ZBTB20: variants seen among roughly 807,000 people sequenced by gnomAD.
ZBTB20 encodes the protein zinc finger and BTB domain containing 20, also known as zinc finger and BTB domain-containing protein 20.
In ZBTB20, 9 loss-of-function variants were observed where a neutral mutation model predicts 56.9. The ratio of observed to expected loss-of-function variants is 0.16; its 90% confidence interval spans 0.10 to 0.28. The LOEUF (loss-of-function observed/expected upper bound fraction) is 0.28, where lower values mean the gene tolerates loss of function less well. Among genes scored for constraint, ZBTB20 ranks in the 10% least tolerant of loss-of-function variants. ZBTB20 has a pLI of 1.00. For synonymous variants in ZBTB20, 417 were observed against 420.7 expected, an observed-to-expected ratio of 0.99 and a Z score of 0.11; for missense variants, 655 against 1,003.0, an observed-to-expected ratio of 0.65 and a Z score of 4.69.
chr3:114,797,614 T>C (rs1399681922), intron 5 of ZBTB20, among the ~76,000 whole-genome samples: 1 of 151,990 alleles, frequency 6.6e-6, no homozygotes, highest in Non-Finnish European at 1.5e-5. Flanking sequence ...TGTATCTTGG[T>C]AAAATATTTT....
chr3:114,526,271 A>G (rs1577298746), intron 6 of ZBTB20, among the ~76,000 whole-genome samples: 3 of 152,288 alleles, frequency 2.0e-5, no homozygotes, highest in Admixed American at 6.5e-5. Flanking sequence ...TATAATATTT[A>G]TGAATAAATG....
At chr3:114,671,064 A>C (rs2061335056) in intron 6 of ZBTB20, among the ~76,000 whole-genome samples, 1 of 152,126 alleles carries the variant, frequency 6.6e-6, no homozygotes, top group African/African-American at 2.4e-5. Context: ...AGCCTGAATA[A>C]ATGGAGAGGA....
rs2081604913 is a variant in ZBTB20, at chr3:114,359,689, A to G, written c.200-7811T>C. Among the ~76,000 whole-genome samples, 4 of 152,222 alleles carry G rather than the reference A, an allele frequency of 2.6e-5. No individual in the cohort carries two copies. The South Asian group carries it at 8.3e-4, about 32-fold the overall frequency. ...GAGATGCTACATCCGTGGGTGGTAT[A>G]CAAAAATGAACCAAAGGATCTACTT... On this transcript the variant is annotated intron_variant, in intron 10 of 11. Coordinates refer to ENST00000675478, the MANE Select transcript of ZBTB20 (RefSeq NM_001348800.3).
intron 7 of ZBTB20, among the ~76,000 whole-genome samples, chr3:114,420,597 T>C (rs979276280): frequency 3.0e-4 from 45 of 152,092 alleles, no homozygotes; most frequent in Non-Finnish European, 5.0e-4. Flanking sequence ...AAGAATACTA[T>C]CCAGTCTTTC....
At chr3:114,702,095 T>C (rs1391290047) in intron 5 of ZBTB20, among the ~76,000 whole-genome samples, 1 of 152,128 alleles carries the variant, frequency 6.6e-6, no homozygotes, top group Non-Finnish European at 1.5e-5. Context: ...GGAGTCGCTT[T>C]GGGAGGCTGA....
chr3:115,067,884 A>C (rs1692286324), intron 2 of ZBTB20, among the ~76,000 whole-genome samples: 1 of 152,108 alleles, frequency 6.6e-6, no homozygotes, highest in African/African-American at 2.4e-5. Context: ...CCATCACCTC[A>C]AGTTTAGCAA....
chr3:114,468,900 G>GGA (rs1398060378), intron 7 of ZBTB20, among the ~76,000 whole-genome samples: 1 of 151,078 alleles, frequency 6.6e-6, no homozygotes, highest in Admixed American at 6.6e-5. Flanking sequence ...TTGTCAAACT[G>GGA]GAGAGAACAT....
chr3:115,013,300 T>C (rs2079800822), intron 2 of ZBTB20, among the ~76,000 whole-genome samples: 2 of 151,434 alleles, frequency 1.3e-5, no homozygotes, highest in South Asian at 2.1e-4. Context: ...GTAAACAAAA[T>C]TGACAAACTT....
At chr3:114,911,176 C>A (rs2075522612) in intron 3 of ZBTB20, among the ~76,000 whole-genome samples, 1 of 151,802 alleles carries the variant, frequency 6.6e-6, no homozygotes, top group African/African-American at 2.4e-5. Flanking sequence ...GGGTTGTGAA[C>A]ACTAGTGACA....
At chr3:114,846,580 T>C (rs2107370932) in intron 4 of ZBTB20, among the ~76,000 whole-genome samples, 1 of 152,312 alleles carries the variant, frequency 6.6e-6, no homozygotes, top group East Asian at 1.9e-4. Flanking sequence ...TTCTTTTGGA[T>C]GAAACCTTTG....
intron 2 of ZBTB20, among the ~76,000 whole-genome samples, chr3:115,055,776 G>T (rs1451750203): frequency 6.6e-6 from 1 of 151,608 alleles, no homozygotes; most frequent in Non-Finnish European, 1.5e-5. Context: ...TCTTTTGCTG[G>T]CTCATGTTTA....
In ZBTB20 at chr3:114,351,646, C is replaced by T; in HGVS notation, c.432G>A (p.Ser144=). The T allele has an allele frequency of 6.2e-7, 1 of 1,614,130 alleles. No homozygotes were observed. The highest frequency in any genetic ancestry group is 8.5e-7 in the Non-Finnish European group (1 of 1,180,048). ...LLGYSDIEIP[S]VVSVQSVQKL... Reference sequence around the variant, plus strand: ...TTTGCACTGACTGCACTGACACCACCGACGGGATCTCGATGTCGCTGTAGC... The same window carrying T: ...TTTGCACTGACTGCACTGACACCACTGACGGGATCTCGATGTCGCTGTAGC... The change falls in exon 11 of 12, where the codon TCG becomes TCA. Residue 144 remains serine, a synonymous_variant. Coordinates refer to ENST00000675478, the MANE Select transcript of ZBTB20 (RefSeq NM_001348800.3).
chr3:114,666,087 T>C (rs2061039615), intron 6 of ZBTB20, among the ~76,000 whole-genome samples: 1 of 151,968 alleles, frequency 6.6e-6, no homozygotes, highest in Non-Finnish European at 1.5e-5. Context: ...GGGTTATCTA[T>C]CATGGCTGTA....
intron 5 of ZBTB20, among the ~76,000 whole-genome samples, chr3:114,760,088 C>T (rs1263733737): frequency 6.6e-6 from 1 of 152,128 alleles, no homozygotes; most frequent in Non-Finnish European, 1.5e-5. Flanking sequence ...TTAATATGTT[C>T]ATAAACAATT....
rs753430449 is a variant in ZBTB20, at chr3:114,339,139, C to G, written c.2092G>C (p.Gly698Arg). 2 of 1,613,440 alleles carry G rather than the reference C, an allele frequency of 1.2e-6. No individual in the cohort carries two copies. Among genetic ancestry groups the G allele is most frequent in the Non-Finnish European group, 1.7e-6 (2 of 1,179,492 alleles). The change falls in exon 12 of 12, where the codon GGT becomes CGT. Residue 698 changes from glycine to arginine, a missense_variant. Coordinates refer to ENST00000675478, the MANE Select transcript of ZBTB20 (RefSeq NM_001348800.3). This position sits in a 1 kb window ranked among gnomAD's most constrained non-coding sequence, Gnocchi z 4.2. ...ACGCCTGGGGGGCCAGCGCGGGCACCTGGGGGTGTGCCTGCAGGGGGGGTC... is the reference window on the plus strand; with the variant it reads ...ACGCCTGGGGGGCCAGCGCGGGCACGTGGGGGTGTGCCTGCAGGGGGGGTC... ...NGTPPAGTPP[G>R]ARAGPPGVVA... is the part of the protein sequence containing the mutation.
intron 2 of ZBTB20, among the ~76,000 whole-genome samples, chr3:114,998,363 G>GTGCC (rs2079112389): frequency 1.3e-5 from 2 of 151,820 alleles, no homozygotes; most frequent in Admixed American, 1.3e-4. Context: ...AAAAGAATTT[G>GTGCC]TGACCTCTTT....
intron 2 of ZBTB20, among the ~76,000 whole-genome samples, chr3:115,041,172 T>C (rs901152979): frequency 1.3e-5 from 2 of 152,168 alleles, no homozygotes; most frequent in South Asian, 4.1e-4. Flanking sequence ...GAAGTTGCCA[T>C]TCGTCTTTAA....
intron 4 of ZBTB20, among the ~76,000 whole-genome samples, chr3:114,817,476 C>G (rs745614745): frequency 1.4e-4 from 21 of 151,826 alleles, no homozygotes; most frequent in Admixed American, 2.6e-4. Context: ...TGAGATCACA[C>G]TATTGCACTA....
chr3:114,864,152 T>C lies in ZBTB20; in HGVS notation c.-417+36152A>G, dbSNP rs139979165. On this transcript the variant is annotated intron_variant, in intron 4 of 11. Transcript: ENST00000675478. ...AAAACTGAAATCTGTTATCTAAAAA[T>C]CACTAGTACATTCAGAATTACTTAG... 2.3e-3 allele frequency among the ~76,000 whole-genome samples: 343 copies of C among 152,204 alleles called. 4 individuals carry two copies. Among genetic ancestry groups the C allele is most frequent in the African/African-American group, 7.7e-3 (322 of 41,560 alleles).
Sources: gnomAD v4.1 joint callset for allele counts (sites outside exome capture counted in the v4.1 genomes callset) on GRCh38, gnomAD v4.1.1 for gene constraint, Gnocchi (gnomAD v3.1) non-coding constraint, MANE v1.5 for transcripts, NCBI Gene and HGNC (gene_info 2026-07-23, HGNC 2026-07-21) for gene names.